TNPO3: variants seen among roughly 807,000 people sequenced by gnomAD.
TNPO3 encodes the protein transportin 3.
A neutral mutation model predicts 122.8 loss-of-function variants in TNPO3; 65 were observed. That is an observed-to-expected ratio of 0.53 (90% CI 0.43 to 0.65). The LOEUF is 0.65. Among genes scored for constraint, TNPO3 ranks in the 30% least tolerant of loss-of-function variants. The pLI is 0.00. For synonymous variants in TNPO3, 372 were observed against 411.2 expected (o/e 0.90, Z 1.15); for missense variants, 850 against 1,136.7 (o/e 0.75, Z 3.63).
chr7:129,045,331 C>T (rs1398304538), intron 1 of TNPO3, among the ~76,000 whole-genome samples: 2 of 151,970 alleles, frequency 1.3e-5, no homozygotes, highest in African/African-American at 4.8e-5. Context: ...GAACTGCACA[C>T]TTAAAAATGG....
Position 128,996,636 on chromosome 7 carries a change from G to A in TNPO3, c.1158+753C>T, listed in dbSNP as rs920117497. On this transcript the variant is annotated intron_variant, in intron 8 of 22. Transcript: ENST00000265388. ...CGGGTGCCTGTAATCCCAGCTACTC[G>A]GGAGGCTGAGACAGGAGAATGGCGT... Among the ~76,000 whole-genome samples the A allele has an allele frequency of 2.0e-4, 30 of 150,784 alleles. No homozygotes were observed. In the East Asian group the frequency reaches 2.3e-3, roughly 12 times the overall value.
chr7:129,054,566 C>G (rs1391662305), intron 1 of TNPO3, 85 bp downstream of exon 1: 18 of 1,576,268 alleles, frequency 1.1e-5, no homozygotes, highest in Non-Finnish European at 1.5e-5. Context: ...ACGAGGTCAA[C>G]TGCCGGGCTC....
At position 128,998,001 on chromosome 7, in the gene TNPO3, C is replaced by A. The variant is rs959619146; in HGVS notation, c.1012-466G>T. Among the ~76,000 whole-genome samples, 9 of 144,804 alleles carry A rather than the reference C, an allele frequency of 6.2e-5. No individual in the cohort carries two copies. The South Asian group carries it at 9.0e-4, about 15-fold the overall frequency. 95.0% of individuals were successfully genotyped at this position (144,804 alleles called of 152,430 possible). On this transcript the variant is annotated intron_variant, in intron 7 of 22. Coordinates refer to ENST00000265388, the MANE Select transcript of TNPO3 (RefSeq NM_012470.4). ...TACAGGTACACACCACCAAGCTCAG[C>A]TAATTTTTTTTTTTTTTTTTTTTTT...
intron 21 of TNPO3, among the ~76,000 whole-genome samples, chr7:128,964,044 G>A (rs1281134816): frequency 2.0e-5 from 3 of 151,956 alleles, no homozygotes; most frequent in Non-Finnish European, 2.9e-5. Flanking sequence ...AAGTTGGTTC[G>A]TTTACAATAG....
At chr7:129,006,982 T>G (rs1802644473) in intron 4 of TNPO3, among the ~76,000 whole-genome samples, 2 of 152,216 alleles carry the variant, frequency 1.3e-5, no homozygotes, top group Non-Finnish European at 2.9e-5. Context: ...TATATTAATA[T>G]ACTTGACTCT....
At chr7:128,982,388 AACAT>A in intron 13 of TNPO3, 64 bp from the exon 14 acceptor site, 1 of 1,348,132 alleles carries the variant, frequency 7.4e-7, no homozygotes, top group Admixed American at 1.7e-5. Flanking sequence ...CCAACACTGC[AACAT>A]ACATCAACCT....
At position 128,975,820 on chromosome 7, in the gene TNPO3, T is replaced by A; in HGVS notation, c.2177A>T (p.Gln726Leu). The A allele has an allele frequency of 6.2e-7, 1 of 1,605,524 alleles. No individual in the cohort carries two copies. The highest frequency in any genetic ancestry group is 8.5e-7 in the Non-Finnish European group (1 of 1,172,144). ...CTACACTCCTCATGGAAAAGATACCTGGAGCATGTCTAGCAGTCCCTGCCG... is the reference window on the plus strand; with the variant it reads ...CTACACTCCTCATGGAAAAGATACCAGGAGCATGTCTAGCAGTCCCTGCCG... The part of the protein sequence containing the change: ...GCRQGLLDML[Q>L]ALCIPTFQLL... Residue 726 changes from glutamine (Q) to leucine (L), a missense_variant and splice_region_variant, in exon 17 of 23, where the codon CAG (glutamine) becomes CTG (leucine). Coordinates refer to ENST00000265388, the MANE Select transcript of TNPO3 (RefSeq NM_012470.4).
chr7:129,027,588 AAAAC>A lies in TNPO3; in HGVS notation c.121-9435_121-9432del, dbSNP rs1260497954. Among the ~76,000 whole-genome samples the A allele has an allele frequency of 7.3e-3, 582 of 79,198 alleles. 72 individuals are homozygous for A. The highest frequency in any genetic ancestry group is 0.013 in the African/African-American group (307 of 23,660). 52.0% of individuals were successfully genotyped at this position (79,198 alleles called of 152,430 possible). ...AAAAAAAAAAAAAAAAAAAAAAAAA[AAAAC>A]AACACAAAAAATTCACTAAATACTC... On this transcript the variant is annotated intron_variant, in intron 1 of 22. Coordinates refer to ENST00000265388, the MANE Select transcript of TNPO3 (RefSeq NM_012470.4).
rs779499456 is a variant in TNPO3 at position 129,001,051 on chromosome 7, T to G, written c.872+8A>C. 1 of 1,613,074 alleles carries G rather than the reference T, an allele frequency of 6.2e-7. No homozygotes were observed. The highest frequency in any genetic ancestry group is 8.5e-7 in the Non-Finnish European group (1 of 1,179,088). On this transcript the variant is annotated splice_region_variant and intron_variant, in intron 6 of 22. Transcript: ENST00000265388. ...AACCCAGGGCTCCAGACTTAAACAA[T>G]TACTCACTTGTCTAAATCTTCACGT...
At chr7:128,984,716 C>G (rs1288846634) in intron 12 of TNPO3, among the ~76,000 whole-genome samples, 1 of 152,172 alleles carries the variant, frequency 6.6e-6, no homozygotes, top group Non-Finnish European at 1.5e-5. Context: ...ACTCTTACAC[C>G]ATAACACTCT....
intron 1 of TNPO3, among the ~76,000 whole-genome samples, chr7:129,035,500 C>T (rs760732893): frequency 3.9e-5 from 6 of 152,004 alleles, no homozygotes; most frequent in Non-Finnish European, 7.4e-5. Context: ...GTAATGCCAG[C>T]TACTTTGGAG....
At chr7:128,956,680 G>GT (rs749798845) in intron 22 of TNPO3, among the ~76,000 whole-genome samples, 1 of 152,140 alleles carries the variant, frequency 6.6e-6, no homozygotes, top group Non-Finnish European at 1.5e-5. Context: ...TTCTGAAAGT[G>GT]TTTTTTCCTC....
At chr7:129,013,444 A>AAAAATT (rs1563103049) in intron 4 of TNPO3, among the ~76,000 whole-genome samples, 1 of 152,048 alleles carries the variant, frequency 6.6e-6, no homozygotes, top group African/African-American at 2.4e-5. Flanking sequence ...CAAAAAAAAA[A>AAAAATT]AAAAATTAAA....
chr7:129,000,359 G>A, intron 7 of TNPO3, 70 bp downstream of exon 7: 2 of 1,401,044 alleles, frequency 1.4e-6, no homozygotes, highest in Non-Finnish European at 1.9e-6. Context: ...TGGGCACGAG[G>A]TAATGAAATA....
chr7:128,992,743 C>T (rs868749718), intron 9 of TNPO3, among the ~76,000 whole-genome samples: 2 of 152,112 alleles, frequency 1.3e-5, no homozygotes, highest in Middle Eastern at 6.8e-3. Flanking sequence ...TATTATACAA[C>T]TTCACAGAGC....
chr7:129,007,092 C>T (rs1802657928), intron 4 of TNPO3, among the ~76,000 whole-genome samples: 1 of 152,144 alleles, frequency 6.6e-6, no homozygotes, highest in Non-Finnish European at 1.5e-5. Context: ...TTACTGAGCC[C>T]TTTCTGTGCA....
At chr7:129,013,168 G>A (rs1316891049) in intron 4 of TNPO3, among the ~76,000 whole-genome samples, 2 of 152,084 alleles carry the variant, frequency 1.3e-5, no homozygotes, top group Non-Finnish European at 2.9e-5. Flanking sequence ...TTAAATGTAA[G>A]ATGTGAACTA....
intron 5 of TNPO3, among the ~76,000 whole-genome samples, chr7:129,002,311 T>C (rs1019697900): frequency 1.3e-5 from 2 of 152,142 alleles, no homozygotes; most frequent in African/African-American, 4.8e-5. Flanking sequence ...GAAAGCACAG[T>C]AAAGACAAGT....
chr7:129,001,367 A>G, intron 5 of TNPO3, 133 bp from the exon 6 acceptor site: 1 of 709,750 alleles, frequency 1.4e-6, no homozygotes, highest in Non-Finnish European at 2.2e-6. Context: ...TAATAATACA[A>G]TGAAAAACAC....
Sources: gnomAD v4.1 joint callset for allele counts (sites outside exome capture counted in the v4.1 genomes callset) on GRCh38, gnomAD v4.1.1 for gene constraint, MANE v1.5 for transcripts, NCBI Gene and HGNC (gene_info 2026-07-23, HGNC 2026-07-21) for gene names.